PTPRD: variants seen among roughly 807,000 people sequenced by gnomAD.
PTPRD encodes protein tyrosine phosphatase receptor type D, also known as receptor-type tyrosine-protein phosphatase delta.
Under a neutral mutation model 214.5 loss-of-function variants are expected in PTPRD, and 34 were observed. The observed-to-expected ratio is 0.16, with a 90% CI of 0.12 to 0.21. The LOEUF (loss-of-function observed/expected upper bound fraction) is 0.21, where lower values mean the gene tolerates loss of function less well. Among genes scored for constraint, PTPRD ranks in the 10% least tolerant of loss-of-function variants. The pLI, the probability that PTPRD is intolerant of heterozygous loss-of-function variation, is 1.00. For synonymous variants in PTPRD, 1,128 were observed against 845.7 expected (o/e 1.33, Z -5.79); for missense variants, 2,545 against 2,398.7 (o/e 1.06, Z -1.27).
chr9:9,394,017 T>G (rs2066836611), intron 9 of PTPRD, among the ~76,000 whole-genome samples: 1 of 152,146 alleles, frequency 6.6e-6, no homozygotes, highest in Non-Finnish European at 1.5e-5. Context: ...ATCAACCTTT[T>G]TCATTAAGAC....
At chr9:9,386,860 GAAGGTCCATC>G (rs1447055520) in intron 9 of PTPRD, among the ~76,000 whole-genome samples, 1 of 152,120 alleles carries the variant, frequency 6.6e-6, no homozygotes, top group African/African-American at 2.4e-5. Context: ...AAAGGGAACT[GAAGGTCCATC>G]TCAGGCTCCT....
intron 7 of PTPRD, among the ~76,000 whole-genome samples, chr9:9,635,823 A>G (rs1019820256): frequency 1.3e-5 from 2 of 152,150 alleles, no homozygotes; most frequent in African/African-American, 4.8e-5. Flanking sequence ...AATAAATGTC[A>G]TATCAATCTA....
At chr9:10,200,216 T>C (rs1304982179) in intron 3 of PTPRD, among the ~76,000 whole-genome samples, 1 of 152,102 alleles carries the variant, frequency 6.6e-6, no homozygotes, top group African/African-American at 2.4e-5. Flanking sequence ...CAAGAAAAAT[T>C]GTCTTTCTAA....
chr9:9,978,875 G>C (rs970575779), intron 4 of PTPRD, among the ~76,000 whole-genome samples: 1 of 151,816 alleles, frequency 6.6e-6, no homozygotes, highest in Non-Finnish European at 1.5e-5. Context: ...CAGGTAGCCA[G>C]AGAAAAAAGA....
At chr9:9,035,253 A>G (rs531695206) in intron 10 of PTPRD, among the ~76,000 whole-genome samples, 1 of 152,266 alleles carries the variant, frequency 6.6e-6, no homozygotes, top group South Asian at 2.1e-4. Flanking sequence ...CCTGCTTAAA[A>G]TAAGAGCTAT....
At chr9:8,468,664 C>G (rs2096592179) in intron 31 of PTPRD, among the ~76,000 whole-genome samples, 2 of 151,896 alleles carry the variant, frequency 1.3e-5, no homozygotes, top group South Asian at 4.2e-4. Flanking sequence ...TGATATGGTT[C>G]CAACAATTTG....
chr9:8,525,449 C>A (rs2139238053), intron 17 of PTPRD, among the ~76,000 whole-genome samples: 1 of 152,064 alleles, frequency 6.6e-6, no homozygotes, highest in South Asian at 2.1e-4. Context: ...TCAAAAAAAA[C>A]CAGGCTGGGT....
At chr9:9,942,430 C>G (rs1172216602) in intron 4 of PTPRD, among the ~76,000 whole-genome samples, 1 of 152,038 alleles carries the variant, frequency 6.6e-6, no homozygotes, top group Non-Finnish European at 1.5e-5. Flanking sequence ...ACCCCTTTAC[C>G]TATTAAAGAG....
At position 10,537,737 on chromosome 9, in the gene PTPRD, C is replaced by G. The variant is rs186782159; in HGVS notation, c.-600+74661G>C. On this transcript the variant is annotated intron_variant, in intron 2 of 45. Transcript: ENST00000381196. ...ATATTTATATTTATCATCATAATGT[C>G]TTAAAATTCTCTCTTATAATCTCAT... is the stretch of plus-strand genomic sequence containing the variant. 2.6e-5 allele frequency among the ~76,000 whole-genome samples: 4 copies of G among 152,148 alleles called. No individual in the cohort carries two copies. In the East Asian group the frequency reaches 7.7e-4, roughly 29 times the overall value.
Position 9,938,608 on chromosome 9 carries a change from C to T in PTPRD, c.-469G>A, listed in dbSNP as rs1603050409. On this transcript the variant is annotated splice_region_variant and 5_prime_UTR_variant, in exon 5 of 46. Coordinates refer to ENST00000381196, the MANE Select transcript of PTPRD (RefSeq NM_002839.4). ...CAGGAACTGCTTGCCTTTTATTTTCCACCTGGAACAAAACATAGTGTCAGT... is the reference window on the plus strand; with the variant it reads ...CAGGAACTGCTTGCCTTTTATTTTCTACCTGGAACAAAACATAGTGTCAGT... 1 of 152,050 alleles carries T rather than the reference C, an allele frequency of 6.6e-6. No individual in the cohort carries two copies. The highest frequency in any genetic ancestry group is 2.1e-4 in the South Asian group (1 of 4,820). The allele number at this position is 152,050 out of a possible 1,614,324, so 9.4% of individuals were successfully genotyped here.
chr9:8,435,700 TAC>T (rs3043782), intron 35 of PTPRD, among the ~76,000 whole-genome samples: 35,686 of 148,612 alleles, frequency 0.24, 4,664 homozygotes, highest in Non-Finnish European at 0.3. Context: ...AATATCCAAA[TAC>T]ACACACACAC....
chr9:10,318,277 T>C (rs528445961), intron 3 of PTPRD, among the ~76,000 whole-genome samples: 47 of 152,146 alleles, frequency 3.1e-4, no homozygotes, highest in South Asian at 6.2e-4. Flanking sequence ...AGTCAGAAGA[T>C]GGGCATCAGC....
chr9:8,615,773 GC>G (rs1275447767), intron 14 of PTPRD, among the ~76,000 whole-genome samples: 1 of 151,942 alleles, frequency 6.6e-6, no homozygotes, highest in Non-Finnish European at 1.5e-5. Flanking sequence ...GAAAATGCAT[GC>G]CCCAATAATA....
intron 12 of PTPRD, among the ~76,000 whole-genome samples, chr9:8,671,077 C>T (rs530447025): frequency 6.6e-6 from 1 of 152,078 alleles, no homozygotes; most frequent in South Asian, 2.1e-4. Flanking sequence ...TCCATTTCTA[C>T]CTATACAGTG....
intron 3 of PTPRD, among the ~76,000 whole-genome samples, chr9:10,329,234 G>A (rs971302004): frequency 2.0e-5 from 3 of 150,520 alleles, no homozygotes; most frequent in South Asian, 2.1e-4. Context: ...ACAATAAATC[G>A]CAAACACACT....
At chr9:10,116,077 A>G (rs1465283574) in intron 3 of PTPRD, among the ~76,000 whole-genome samples, 1 of 152,122 alleles carries the variant, frequency 6.6e-6, no homozygotes, top group Non-Finnish European at 1.5e-5. Context: ...ATTTATAATT[A>G]TATCAGGCTT....
intron 5 of PTPRD, among the ~76,000 whole-genome samples, chr9:9,775,781 A>G (rs919727382): frequency 2.0e-5 from 3 of 152,022 alleles, no homozygotes; most frequent in East Asian, 3.9e-4. Flanking sequence ...GTCTCTACTG[A>G]AAATAGAAAA....
chr9:10,266,927 A>T (rs1309347943), intron 3 of PTPRD, among the ~76,000 whole-genome samples: 2 of 152,050 alleles, frequency 1.3e-5, no homozygotes, highest in South Asian at 2.1e-4. Flanking sequence ...ATGGTGGCTC[A>T]CATCTGTAAT....
rs112032810 is a variant in PTPRD, at chr9:8,838,896, A to G, written c.-103-104950T>C. ...AAAATAACCTTCTAATTCTAAACAT[A>G]AAATGAATAATAAGAGAGAAAAAAA... On this transcript the variant is annotated intron_variant, in intron 11 of 45. Coordinates refer to ENST00000381196, the MANE Select transcript of PTPRD (RefSeq NM_002839.4). Among the ~76,000 whole-genome samples, 153 of 152,276 alleles carry G rather than the reference A, an allele frequency of 1.0e-3. 4 individuals are homozygous for G. The highest frequency in any genetic ancestry group is 3.5e-3 in the African/African-American group (145 of 41,568).
Sources: gnomAD v4.1 joint callset for allele counts (sites outside exome capture counted in the v4.1 genomes callset) on GRCh38, gnomAD v4.1.1 for gene constraint, MANE v1.5 for transcripts, NCBI Gene and HGNC (gene_info 2026-07-23, HGNC 2026-07-21) for gene names.